Variants in DACH1 observed in about 807,000 individuals in gnomAD.
DACH1 encodes the protein dachshund homolog 1.
A neutral mutation model predicts 54.2 loss-of-function variants in DACH1; 12 were observed. That is an observed-to-expected ratio of 0.22 (90% CI 0.14 to 0.36). DACH1 has a LOEUF of 0.36. Among genes scored for constraint, DACH1 ranks in the 10% least tolerant of loss-of-function variants. The pLI is 1.00. For synonymous variants in DACH1, 386 were observed against 366.2 expected (o/e 1.05, Z -0.62); for missense variants, 805 against 929.8 (o/e 0.87, Z 1.75).
rs1046606050 is a variant in DACH1 at position 71,439,913 on chromosome 13, C to A, written c.*742G>T. ...TATCTTTAATTCTACATACCACTAC[C>A]AGTTTGGAATGAAAACATGTTACAC... On this transcript the variant is annotated 3_prime_UTR_variant, in exon 11 of 11. Transcript: ENST00000613252. The A allele has an allele frequency of 6.6e-6, 1 of 151,880 alleles. No individual in the cohort carries two copies. The highest frequency in any genetic ancestry group is 1.5e-5 in the Non-Finnish European group (1 of 67,830). 9.4% of individuals were successfully genotyped at this position (151,880 alleles called of 1,614,324 possible). A position where few individuals can be genotyped will look rare whatever the true frequency, so the allele number is the denominator to read the frequency against.
At chr13:71,517,911 T>C (rs574326616) in intron 6 of DACH1, among the ~76,000 whole-genome samples, 4 of 151,916 alleles carry the variant, frequency 2.6e-5, no homozygotes, top group Non-Finnish European at 5.9e-5. Flanking sequence ...ATTCATTCTA[T>C]TTTGATTTAT....
In DACH1 at chr13:71,738,731, C is replaced by CA. The variant is rs34856567; in HGVS notation, c.849-56822dup. Among the ~76,000 whole-genome samples the CA allele has an allele frequency of 6.1e-3, 148 of 24,066 alleles. 38 individuals are homozygous for CA. The highest frequency in any genetic ancestry group is 0.17 in the Middle Eastern group (2 of 12). 15.8% of individuals were successfully genotyped at this position (24,066 alleles called of 152,430 possible). On this transcript the variant is annotated intron_variant, in intron 1 of 10. Coordinates refer to ENST00000613252, the MANE Select transcript of DACH1 (RefSeq NM_080759.6). ...TGGGCAACAGAGCGAGACTCTGTCT[C>CA]AAAAAAAAAAAAAAAAAAAAAAAAA...
chr13:71,691,492 A>T (rs1414903842), intron 1 of DACH1, among the ~76,000 whole-genome samples: 1 of 152,334 alleles, frequency 6.6e-6, no homozygotes, highest in East Asian at 1.9e-4. Context: ...CTAATATCAC[A>T]CATATTAAAA....
At chr13:71,591,061 T>A (rs998948801) in intron 3 of DACH1, among the ~76,000 whole-genome samples, 9 of 151,992 alleles carry the variant, frequency 5.9e-5, no homozygotes, top group Admixed American at 5.9e-4. Context: ...GTATTTTTAG[T>A]AGAAATGATG....
intron 1 of DACH1, among the ~76,000 whole-genome samples, chr13:71,799,100 C>A (rs1887182592): frequency 1.3e-5 from 2 of 152,046 alleles, no homozygotes; most frequent in Non-Finnish European, 2.9e-5. Flanking sequence ...CCAAGGTTAT[C>A]AGTTTTAATT....
Position 71,529,448 on chromosome 13 carries a change from G to A in DACH1, c.1570+27576C>T, listed in dbSNP as rs117682728. Among the ~76,000 whole-genome samples the A allele has an allele frequency of 1.4e-4, 22 of 152,180 alleles. No individual in the cohort carries two copies. The East Asian group carries it at 4.1e-3, about 28-fold the overall frequency. Reference sequence around the variant, plus strand: ...AATCCACTTGCCTCGGTCTCCCAAAGTGCTGGGATTACAGTGAGCCACTGC... The same window carrying A: ...AATCCACTTGCCTCGGTCTCCCAAAATGCTGGGATTACAGTGAGCCACTGC... On this transcript the variant is annotated intron_variant, in intron 6 of 10. Coordinates refer to ENST00000613252, the MANE Select transcript of DACH1 (RefSeq NM_080759.6).
At chr13:71,573,629 G>T in intron 3 of DACH1, 2 of 441,836 alleles carry the variant, frequency 4.5e-6, no homozygotes, top group South Asian at 1.4e-4. Context: ...ATCTTCCAAT[G>T]ACTAACTTAA....
chr13:71,622,945 T>TA (rs947936769), intron 3 of DACH1, among the ~76,000 whole-genome samples: 1 of 151,406 alleles, frequency 6.6e-6, no homozygotes, highest in Non-Finnish European at 1.5e-5. Context: ...TCCATATAAG[T>TA]AAAAAAAAGT....
intron 6 of DACH1, among the ~76,000 whole-genome samples, chr13:71,530,440 C>T (rs1421091156): frequency 6.6e-6 from 1 of 151,026 alleles, no homozygotes. Context: ...TGGACAAGGA[C>T]AAAGACACTA....
chr13:71,648,750 T>C (rs771150811), intron 2 of DACH1, among the ~76,000 whole-genome samples: 1 of 152,100 alleles, frequency 6.6e-6, no homozygotes, highest in Non-Finnish European at 1.5e-5. Flanking sequence ...ATAGAATTGA[T>C]GAGAACATTA....
At chr13:71,736,943 G>C (rs1884155057) in intron 1 of DACH1, among the ~76,000 whole-genome samples, 3 of 152,104 alleles carry the variant, frequency 2.0e-5, no homozygotes, top group Non-Finnish European at 4.4e-5. Context: ...TATACAATCT[G>C]ATAAATGACA....
At chr13:71,751,300 T>C (rs1256958955) in intron 1 of DACH1, among the ~76,000 whole-genome samples, 1 of 152,208 alleles carries the variant, frequency 6.6e-6, no homozygotes, top group African/African-American at 2.4e-5. Flanking sequence ...TATAATAACA[T>C]CACACTGCAT....
intron 1 of DACH1, among the ~76,000 whole-genome samples, chr13:71,778,665 A>G (rs1252764289): frequency 6.6e-6 from 1 of 152,130 alleles, no homozygotes; most frequent in Non-Finnish European, 1.5e-5. Context: ...CTCTGCTAAC[A>G]ATATGTAGAA....
intron 6 of DACH1, among the ~76,000 whole-genome samples, chr13:71,501,213 T>G (rs578046867): frequency 6.6e-6 from 1 of 152,294 alleles, no homozygotes; most frequent in East Asian, 1.9e-4. Context: ...TCCCAGGACC[T>G]CCTGAGACTG....
chr13:71,848,452 A>C (rs2138256792), intron 1 of DACH1, among the ~76,000 whole-genome samples: 1 of 152,338 alleles, frequency 6.6e-6, no homozygotes, highest in Middle Eastern at 3.4e-3. Flanking sequence ...TGATAGCAAG[A>C]ACAAAAATAG....
intron 1 of DACH1, among the ~76,000 whole-genome samples, chr13:71,755,631 T>C (rs2137990927): frequency 6.6e-6 from 1 of 152,326 alleles, no homozygotes; most frequent in East Asian, 1.9e-4. Context: ...TAACTTTTAA[T>C]TCAGTACATT....
chr13:71,631,654 T>C (rs1035367627), intron 2 of DACH1, among the ~76,000 whole-genome samples: 2 of 152,186 alleles, frequency 1.3e-5, no homozygotes, highest in Admixed American at 1.3e-4. Context: ...TATCCTTACT[T>C]TACAGATTAG....
chr13:71,552,111 A>C (rs1883852822), intron 6 of DACH1, among the ~76,000 whole-genome samples: 1 of 152,176 alleles, frequency 6.6e-6, no homozygotes, highest in Admixed American at 6.6e-5. Context: ...ATGAAGAGAA[A>C]AGCCTTATCT....
At chr13:71,690,812 G>T (rs1404745744) in intron 1 of DACH1, among the ~76,000 whole-genome samples, 2 of 151,932 alleles carry the variant, frequency 1.3e-5, no homozygotes, top group Non-Finnish European at 2.9e-5. Context: ...CATGCCTGTA[G>T]TCCCAGCTAC....
Sources: gnomAD v4.1 joint callset for allele counts (sites outside exome capture counted in the v4.1 genomes callset) on GRCh38, gnomAD v4.1.1 for gene constraint, MANE v1.5 for transcripts, NCBI Gene and HGNC (gene_info 2026-07-23, HGNC 2026-07-21) for gene names.